CCDC192: variants seen among roughly 807,000 people sequenced by gnomAD.
The protein encoded by CCDC192 is coiled-coil domain-containing protein 192.
intron 6 of CCDC192, among the ~76,000 whole-genome samples, chr5:127,908,491 TCAAA>T (rs1753259774): frequency 6.6e-6 from 1 of 152,142 alleles, no homozygotes; most frequent in Admixed American, 6.5e-5. Flanking sequence ...AATAAAAACC[TCAAA>T]CAAATTAGAT....
chr5:127,822,179 C>A (rs1156853324), intron 5 of CCDC192, among the ~76,000 whole-genome samples: 1 of 152,160 alleles, frequency 6.6e-6, no homozygotes, highest in Non-Finnish European at 1.5e-5. Context: ...CTTCTCAGAG[C>A]GAAGGGCCTT....
At chr5:127,916,218 T>C (rs1329759429) in intron 6 of CCDC192, among the ~76,000 whole-genome samples, 1 of 152,248 alleles carries the variant, frequency 6.6e-6, no homozygotes, top group Non-Finnish European at 1.5e-5. Flanking sequence ...GGTTTTATCA[T>C]GAGATTGCAT....
In CCDC192 at chr5:127,778,286, G is replaced by A. The variant is rs541244776; in HGVS notation, c.223-18817G>A. ...AAATGTCTTTTATCATGTTGAGGAAGTTTCCTTTTCTTTTCCTACTTTGAT... is the reference window on the plus strand; with the variant it reads ...AAATGTCTTTTATCATGTTGAGGAAATTTCCTTTTCTTTTCCTACTTTGAT... On this transcript the variant is annotated intron_variant, in intron 3 of 6. Transcript: ENST00000514853. Among the ~76,000 whole-genome samples the A allele has an allele frequency of 2.2e-3, 335 of 152,262 alleles. 1 individual carries two copies. Among genetic ancestry groups the A allele is most frequent in the Non-Finnish European group, 3.9e-3 (263 of 68,012 alleles).
chr5:127,859,649 A>G (rs960085723), intron 5 of CCDC192, among the ~76,000 whole-genome samples: 1 of 152,182 alleles, frequency 6.6e-6, no homozygotes, highest in Admixed American at 6.5e-5. Context: ...CTTCAAAAAT[A>G]GCTGCTCTCC....
intron 3 of CCDC192, among the ~76,000 whole-genome samples, chr5:127,769,229 G>C (rs964502017): frequency 6.6e-6 from 1 of 152,200 alleles, no homozygotes; most frequent in African/African-American, 2.4e-5. Flanking sequence ...TGGGTGAATG[G>C]TGAGAAAAAG....
At chr5:127,912,114 TA>T in intron 6 of CCDC192, among the ~76,000 whole-genome samples, 1 of 151,158 alleles carries the variant, frequency 6.6e-6, no homozygotes, top group Middle Eastern at 3.4e-3. Context: ...GTATTTTTAC[TA>T]GAGACAGGGT....
At chr5:127,752,781 A>G (rs1214322620) in intron 2 of CCDC192, among the ~76,000 whole-genome samples, 1 of 151,796 alleles carries the variant, frequency 6.6e-6, no homozygotes, top group African/African-American at 2.4e-5. Flanking sequence ...TGGGCGTAGG[A>G]CCCTCTGAGC....
intron 2 of CCDC192, among the ~76,000 whole-genome samples, chr5:127,731,998 T>C (rs996087404): frequency 6.6e-6 from 1 of 151,988 alleles, no homozygotes; most frequent in Non-Finnish European, 1.5e-5. Context: ...AATTGACAAA[T>C]GGGATCTAAT....
chr5:127,882,401 T>A (rs915242852), intron 6 of CCDC192, among the ~76,000 whole-genome samples: 1 of 152,130 alleles, frequency 6.6e-6, no homozygotes, highest in Admixed American at 6.6e-5. Flanking sequence ...AGCTCAAACC[T>A]CTCTCTTGCA....
chr5:127,932,499 C>T (rs1181923247), intron 6 of CCDC192, among the ~76,000 whole-genome samples: 1 of 152,086 alleles, frequency 6.6e-6, no homozygotes, highest in Non-Finnish European at 1.5e-5. Flanking sequence ...CCACCATGCC[C>T]GGCCACCAGT....
At chr5:127,908,743 G>A (rs1379378503) in intron 6 of CCDC192, among the ~76,000 whole-genome samples, 1 of 152,158 alleles carries the variant, frequency 6.6e-6, no homozygotes, top group Non-Finnish European at 1.5e-5. Context: ...GTGGGAGGCT[G>A]AGGGTTACTC....
rs532733208 is a variant in CCDC192, at chr5:127,823,629, T to G, written c.411+25467T>G. Among the ~76,000 whole-genome samples, 3 of 152,290 alleles carry G rather than the reference T, an allele frequency of 2.0e-5. No individual in the cohort carries two copies. The South Asian group carries it at 6.2e-4, about 32-fold the overall frequency. ...GCCTTGTTGGAGTTTCTGCCTTATATCTAAAAAACCATTTAACAGGTGGGA... is the reference window on the plus strand; with the variant it reads ...GCCTTGTTGGAGTTTCTGCCTTATAGCTAAAAAACCATTTAACAGGTGGGA... On this transcript the variant is annotated intron_variant, in intron 5 of 6. Coordinates refer to ENST00000514853, the MANE Select transcript of CCDC192 (RefSeq NM_001317938.2).
chr5:127,808,251 T>G (rs1757900935), intron 5 of CCDC192, among the ~76,000 whole-genome samples: 1 of 152,162 alleles, frequency 6.6e-6, no homozygotes, highest in Non-Finnish European at 1.5e-5. Context: ...TTGCCCCATT[T>G]TACTTCTCTG....
chr5:127,709,295 C>A (rs189974389), intron 2 of CCDC192, among the ~76,000 whole-genome samples: 6 of 151,780 alleles, frequency 4.0e-5, no homozygotes, highest in African/African-American at 1.5e-4. Flanking sequence ...AACTCACTCA[C>A]CATCATGAGA....
intron 2 of CCDC192, among the ~76,000 whole-genome samples, chr5:127,720,697 C>T (rs1751969762): frequency 6.6e-6 from 1 of 152,248 alleles, no homozygotes; most frequent in African/African-American, 2.4e-5. Flanking sequence ...CCTGGACATC[C>T]AGGCCTTTCC....
At chr5:127,862,050 C>T (rs998997434) in intron 5 of CCDC192, among the ~76,000 whole-genome samples, 21 of 152,104 alleles carry the variant, frequency 1.4e-4, no homozygotes, top group African/African-American at 5.1e-4. Context: ...AAGTCAGAGA[C>T]AGAGGGAGTG....
At chr5:127,754,088 A>G (rs1229874475) in intron 2 of CCDC192, among the ~76,000 whole-genome samples, 180 bp from the exon 3 acceptor site, 2 of 152,184 alleles carry the variant, frequency 1.3e-5, no homozygotes, top group African/African-American at 4.8e-5. Context: ...TTTAAATGAA[A>G]CTATTGTTAA....
chr5:127,793,122 T>C (rs1351119387), intron 3 of CCDC192, among the ~76,000 whole-genome samples: 4 of 152,196 alleles, frequency 2.6e-5, no homozygotes, highest in African/African-American at 9.7e-5. Flanking sequence ...TATGTACATA[T>C]ACTTTCTGAA....
intron 6 of CCDC192, among the ~76,000 whole-genome samples, chr5:127,922,274 T>C (rs1753744671): frequency 6.6e-6 from 1 of 152,226 alleles, no homozygotes; most frequent in Non-Finnish European, 1.5e-5. Context: ...TAACATTATT[T>C]AATTTATTAA....
Sources: gnomAD v4.1 joint callset for allele counts (sites outside exome capture counted in the v4.1 genomes callset) on GRCh38, gnomAD v4.1.1 for gene constraint, MANE v1.5 for transcripts, NCBI Gene and HGNC (gene_info 2026-07-23, HGNC 2026-07-21) for gene names.